The following ARHGAP10 variants were observed in gnomAD, a reference collection of about 807,000 sequenced individuals.
ARHGAP10 encodes rho GTPase-activating protein 10.
ARHGAP10 carries 87 observed loss-of-function variants against 108.6 expected under a neutral mutation model. The ratio of observed to expected loss-of-function variants is 0.80; its 90% CI spans 0.67 to 0.96. The LOEUF is 0.96. ARHGAP10 is among the 40% of genes least tolerant of loss of function. The pLI is 0.00. For synonymous variants in ARHGAP10, 347 were observed against 341.1 expected (o/e 1.02, Z -0.19); for missense variants, 939 against 954.5 (o/e 0.98, Z 0.21).
At chr4:147,897,865 ATATT>A (rs1255039454) in intron 10 of ARHGAP10, among the ~76,000 whole-genome samples, 27 of 151,818 alleles carry the variant, frequency 1.8e-4, no homozygotes, top group Non-Finnish European at 4.0e-4. Context: ...CTATATGTGT[ATATT>A]TATTTATTTT....
chr4:147,739,616 A>G (rs923615763), intron 1 of ARHGAP10, among the ~76,000 whole-genome samples: 2 of 152,198 alleles, frequency 1.3e-5, no homozygotes, highest in South Asian at 4.1e-4. Flanking sequence ...GGATTTTCCT[A>G]AGAGCTGTTA....
chr4:147,914,669 C>T (rs1372573829), intron 13 of ARHGAP10, among the ~76,000 whole-genome samples: 4 of 145,528 alleles, frequency 2.7e-5, no homozygotes, highest in African/African-American at 5.0e-5. Context: ...TGAGATTCAT[C>T]GGTTGGGTGG....
chr4:147,759,415 A>G (rs984471872), intron 1 of ARHGAP10, among the ~76,000 whole-genome samples: 1 of 152,192 alleles, frequency 6.6e-6, no homozygotes, highest in Non-Finnish European at 1.5e-5. Flanking sequence ...CCATTAAAAA[A>G]TTAAAAAACA....
chr4:148,072,389 C>A lies in ARHGAP10; in HGVS notation c.*308C>A, dbSNP rs746423028. On this transcript the variant is annotated 3_prime_UTR_variant, in exon 23 of 23. Coordinates refer to ENST00000336498, the MANE Select transcript of ARHGAP10 (RefSeq NM_024605.4). ...GAATGAGAGGGAGGGCAGCCTTCTGCCACCTGTGTCGCCTCCACTGGCAGT... is the reference window on the plus strand; with the variant it reads ...GAATGAGAGGGAGGGCAGCCTTCTGACACCTGTGTCGCCTCCACTGGCAGT... 2 of 309,394 alleles carry A rather than the reference C, an allele frequency of 6.5e-6. No homozygotes were observed. The highest frequency in any genetic ancestry group is 1.2e-5 in the Non-Finnish European group (2 of 168,772). 19.2% of individuals were successfully genotyped at this position (309,394 alleles called of 1,614,324 possible).
At chr4:147,926,317 A>C (rs1737459770) in intron 13 of ARHGAP10, among the ~76,000 whole-genome samples, 1 of 152,114 alleles carries the variant, frequency 6.6e-6, no homozygotes, top group South Asian at 2.1e-4. Flanking sequence ...TTCAGATAAG[A>C]AATGATGGAG....
At chr4:147,808,118 A>C (rs578065218) in intron 1 of ARHGAP10, among the ~76,000 whole-genome samples, 1 of 152,336 alleles carries the variant, frequency 6.6e-6, no homozygotes, top group South Asian at 2.1e-4. Flanking sequence ...TATGGATCAC[A>C]CATCCTGCCA....
At chr4:147,823,687 G>A (rs926043190) in intron 3 of ARHGAP10, among the ~76,000 whole-genome samples, 1 of 152,164 alleles carries the variant, frequency 6.6e-6, no homozygotes, top group South Asian at 2.1e-4. Flanking sequence ...TGCCCAGGAG[G>A]CTGAGGTTGC....
chr4:148,028,493 G>A (rs999923529), intron 19 of ARHGAP10, among the ~76,000 whole-genome samples: 1 of 152,134 alleles, frequency 6.6e-6, no homozygotes, highest in Non-Finnish European at 1.5e-5. Context: ...GGTTGAGAAG[G>A]TTCAGTTGTT....
chr4:147,918,655 T>C (rs923109572), intron 13 of ARHGAP10, among the ~76,000 whole-genome samples: 2 of 152,234 alleles, frequency 1.3e-5, no homozygotes, highest in African/African-American at 2.4e-5. Flanking sequence ...CTGTCCAGCC[T>C]ACCTGGGGCA....
At chr4:147,782,569 A>G (rs938323874) in intron 1 of ARHGAP10, 8 of 152,110 alleles carry the variant, frequency 5.3e-5, no homozygotes, top group African/African-American at 1.9e-4. Context: ...TGTTTTGTAA[A>G]GCCCTGTGTG....
chr4:147,867,394 G>C (rs1579135295), intron 7 of ARHGAP10, among the ~76,000 whole-genome samples: 1 of 152,160 alleles, frequency 6.6e-6, no homozygotes, highest in African/African-American at 2.4e-5. Context: ...AGTGCTAGTT[G>C]ATCCTGGAAG....
intron 10 of ARHGAP10, among the ~76,000 whole-genome samples, chr4:147,893,114 A>C (rs1458221607): frequency 6.6e-6 from 1 of 152,044 alleles, no homozygotes; most frequent in Admixed American, 6.6e-5. Context: ...GCTGGAGCGC[A>C]GTGGCGTGAT....
intron 13 of ARHGAP10, among the ~76,000 whole-genome samples, chr4:147,915,546 A>G (rs1436800463): frequency 6.6e-6 from 1 of 152,130 alleles, no homozygotes; most frequent in Non-Finnish European, 1.5e-5. Context: ...GTGTAGTTTT[A>G]TGGAGTGTTA....
intron 14 of ARHGAP10, among the ~76,000 whole-genome samples, chr4:147,940,544 C>T (rs1738131087): frequency 6.6e-6 from 1 of 152,168 alleles, no homozygotes; most frequent in Non-Finnish European, 1.5e-5. Flanking sequence ...TCCACTTCTC[C>T]CCCACCCCAA....
At chr4:147,775,997 G>T (rs955997542) in intron 1 of ARHGAP10, among the ~76,000 whole-genome samples, 2 of 152,138 alleles carry the variant, frequency 1.3e-5, no homozygotes, top group African/African-American at 4.8e-5. Context: ...ACAAAGCCCA[G>T]ATTTAAATCC....
At chr4:147,801,383 A>G (rs889283197) in intron 1 of ARHGAP10, among the ~76,000 whole-genome samples, 2 of 152,200 alleles carry the variant, frequency 1.3e-5, no homozygotes, top group Non-Finnish European at 2.9e-5. Context: ...GAAGAGAACC[A>G]TTGCTGTGCT....
At chr4:147,910,271 C>A (rs1308741663) in intron 12 of ARHGAP10, among the ~76,000 whole-genome samples, 4 of 152,086 alleles carry the variant, frequency 2.6e-5, no homozygotes, top group Non-Finnish European at 5.9e-5. Context: ...GATCCTCCTA[C>A]CTCTGCCTTC....
intron 1 of ARHGAP10, among the ~76,000 whole-genome samples, chr4:147,771,417 G>A (rs1304618863): frequency 1.3e-5 from 2 of 152,134 alleles, no homozygotes; most frequent in East Asian, 3.8e-4. Context: ...TTACATCAGG[G>A]TAAATAGGGT....
intron 1 of ARHGAP10, among the ~76,000 whole-genome samples, chr4:147,756,510 T>C (rs1442723546): frequency 1.3e-5 from 2 of 152,206 alleles, no homozygotes; most frequent in Non-Finnish European, 2.9e-5. Context: ...TTACCCATGA[T>C]CTGAAAATAG....
Sources: gnomAD v4.1 joint callset for allele counts (sites outside exome capture counted in the v4.1 genomes callset) on GRCh38, gnomAD v4.1.1 for gene constraint, MANE v1.5 for transcripts, NCBI Gene and HGNC (gene_info 2026-07-23, HGNC 2026-07-21) for gene names.